Variants in CADM2 observed in about 807,000 individuals in gnomAD.
CADM2 encodes immunoglobulin superfamily member 4D.
A neutral mutation model predicts 49.8 loss-of-function variants in CADM2; 12 were observed. The observed-to-expected ratio is 0.24, with a 90% CI of 0.15 to 0.39. The LOEUF is 0.39. Ranked by LOEUF, CADM2 falls within the 10% of genes least tolerant of loss-of-function variation. The pLI is 1.00. For synonymous variants in CADM2, 214 were observed against 175.4 expected, an observed-to-expected ratio of 1.22 and a Z score of -1.74; for missense variants, 378 against 492.3, an observed-to-expected ratio of 0.77 and a Z score of 2.20.
chr3:85,466,863 A>G (rs1402091403), intron 1 of CADM2, among the ~76,000 whole-genome samples: 2 of 152,118 alleles, frequency 1.3e-5, no homozygotes, highest in Non-Finnish European at 2.9e-5. Flanking sequence ...TTGAGCTAGG[A>G]AGAAAGAGAA....
chr3:85,254,241 A>T lies in CADM2; in HGVS notation c.61+294573A>T, dbSNP rs149181141. ...ATCAGATGGAAGAGATGCATAGTTA[A>T]AGGAATGTGGGAAGGGGTGTGGAGT... On this transcript the variant is annotated intron_variant, in intron 1 of 9. Transcript: ENST00000383699. Among the ~76,000 whole-genome samples, 203 of 152,230 alleles carry T rather than the reference A, an allele frequency of 1.3e-3. 2 individuals carry two copies. The highest frequency in any genetic ancestry group is 4.5e-3 in the African/African-American group (185 of 41,556).
At chr3:85,603,718 A>G (rs2063479384) in intron 1 of CADM2, among the ~76,000 whole-genome samples, 1 of 151,804 alleles carries the variant, frequency 6.6e-6, no homozygotes, top group Non-Finnish European at 1.5e-5. Flanking sequence ...GAGAAGTTGA[A>G]TTTCAAGCCG....
chr3:85,466,189 A>C (rs1052251432), intron 1 of CADM2, among the ~76,000 whole-genome samples: 9 of 152,164 alleles, frequency 5.9e-5, no homozygotes, highest in African/African-American at 2.2e-4. Flanking sequence ...TCTTCTGATT[A>C]TGTTAAAATC....
chr3:85,741,062 G>A (rs1309957145), intron 2 of CADM2, among the ~76,000 whole-genome samples: 1 of 152,100 alleles, frequency 6.6e-6, no homozygotes, highest in Non-Finnish European at 1.5e-5. Context: ...GAGATACATA[G>A]CAGTTAACAT....
intron 1 of CADM2, among the ~76,000 whole-genome samples, chr3:85,111,808 T>G (rs2107571022): frequency 6.6e-6 from 1 of 152,022 alleles, no homozygotes; most frequent in African/African-American, 2.4e-5. Flanking sequence ...TAAATTAATT[T>G]AAGGAAATGC....
At chr3:85,789,407 A>T (rs182638221) in intron 2 of CADM2, among the ~76,000 whole-genome samples, 170 of 152,358 alleles carry the variant, frequency 1.1e-3, no homozygotes, top group African/African-American at 4.1e-3. Context: ...CTTTATGTAT[A>T]CATAATAATT....
In CADM2 at chr3:86,072,256, A is replaced by T. The variant is rs537444152; in HGVS notation, c.*5473A>T. 5 of 151,894 alleles carry T rather than the reference A, an allele frequency of 3.3e-5. No individual in the cohort carries two copies. In the East Asian group the frequency reaches 7.7e-4, roughly 23 times the overall value. The allele number at this position is 151,894 out of a possible 1,614,324, so 9.4% of individuals were successfully genotyped here. A position where few individuals can be genotyped will look rare whatever the true frequency, so the allele number is the denominator to read the frequency against. On this transcript the variant is annotated 3_prime_UTR_variant, in exon 10 of 10. Transcript: ENST00000383699. Reference sequence around the variant, plus strand: ...GTTATGTGGTTATGTTATCAATAATATTTGGTTGATCTTCACATATTTTAT... The same window carrying T: ...GTTATGTGGTTATGTTATCAATAATTTTTGGTTGATCTTCACATATTTTAT...
At chr3:84,982,737 A>G (rs7626127) in intron 1 of CADM2, among the ~76,000 whole-genome samples, 53,168 of 113,258 alleles carry the variant, frequency 0.47, 13,344 homozygotes, top group African/African-American at 0.55. Context: ...ATATATATAC[A>G]TTTTTTGTTT....
intron 1 of CADM2, among the ~76,000 whole-genome samples, chr3:85,123,416 A>G (rs2038929043): frequency 6.6e-6 from 1 of 152,114 alleles, no homozygotes; most frequent in East Asian, 1.9e-4. Flanking sequence ...TTTTTGGTGT[A>G]GGCTGTGTTC....
At chr3:85,635,107 A>G (rs983438776) in intron 1 of CADM2, among the ~76,000 whole-genome samples, 6 of 152,204 alleles carry the variant, frequency 3.9e-5, no homozygotes, top group Middle Eastern at 3.4e-3. Flanking sequence ...GAAAGGGATT[A>G]GTGGATACTT....
intron 1 of CADM2, among the ~76,000 whole-genome samples, chr3:85,196,822 A>AT (rs1414830156): frequency 6.6e-6 from 1 of 152,018 alleles, no homozygotes; most frequent in Non-Finnish European, 1.5e-5. Context: ...GGAGAATCAA[A>AT]TGACTCCATT....
chr3:86,052,061 A>G (rs1455448076), intron 8 of CADM2, among the ~76,000 whole-genome samples: 1 of 152,192 alleles, frequency 6.6e-6, no homozygotes, highest in African/African-American at 2.4e-5. Flanking sequence ...AAAGGAAAAA[A>G]TGGATTTATT....
intron 1 of CADM2, among the ~76,000 whole-genome samples, chr3:85,114,232 G>A (rs2038562268): frequency 6.6e-6 from 1 of 152,042 alleles, no homozygotes; most frequent in South Asian, 2.1e-4. Context: ...GAGGGGAAGT[G>A]AATAATGGAT....
intron 1 of CADM2, among the ~76,000 whole-genome samples, chr3:85,587,066 CT>C (rs1300808847): frequency 4.6e-5 from 7 of 152,058 alleles, no homozygotes; most frequent in Admixed American, 6.6e-5. Flanking sequence ...ATTCTTATTT[CT>C]ACCAGTCTTC....
In CADM2 at chr3:86,035,000, G is replaced by A. The variant is rs1734982765; in HGVS notation, c.971-30605G>A. 2.0e-5 allele frequency among the ~76,000 whole-genome samples: 3 copies of A among 151,950 alleles called. No homozygotes were observed. The South Asian group carries it at 6.2e-4, about 31-fold the overall frequency. ...TCCTGAATGTTCTCCCTGCCTCAAA[G>A]TTTATTTTCCTCTACATGTAGTCTT... On this transcript the variant is annotated intron_variant, in intron 8 of 9. Transcript: ENST00000383699.
In CADM2 at chr3:85,505,123, C is replaced by T. The variant is rs546940934; in HGVS notation, c.62-221399C>T. The stretch of plus-strand genomic sequence containing the variant: ...CTTGGCCAGCCCAGGAGGGGGCTCC[C>T]ACAGTGCAGCGGCGGGCTGAAGGGC... On this transcript the variant is annotated intron_variant, in intron 1 of 9. Transcript: ENST00000383699. Among the ~76,000 whole-genome samples the T allele has an allele frequency of 5.3e-5, 8 of 152,324 alleles. No homozygotes were observed. The East Asian group carries it at 1.2e-3, about 22-fold the overall frequency.
intron 1 of CADM2, among the ~76,000 whole-genome samples, chr3:85,036,772 G>C (rs2035231254): frequency 6.6e-6 from 1 of 151,718 alleles, no homozygotes; most frequent in African/African-American, 2.4e-5. Flanking sequence ...TTAATCTTAG[G>C]GGTAAGTAAT....
chr3:85,641,785 G>A (rs1207841237), intron 1 of CADM2, among the ~76,000 whole-genome samples: 1 of 149,998 alleles, frequency 6.7e-6, no homozygotes, highest in South Asian at 2.1e-4. Context: ...AAAAAAAATA[G>A]CCAGGTGTGG....
chr3:85,251,925 A>C (rs946479960), intron 1 of CADM2, among the ~76,000 whole-genome samples: 1 of 151,974 alleles, frequency 6.6e-6, no homozygotes. Context: ...GTCAACATGA[A>C]TGGCATTTTC....
Sources: allele counts gnomAD v4.1 joint callset (sites outside exome capture counted in the v4.1 genomes callset), GRCh38; gene constraint gnomAD v4.1.1; transcripts MANE v1.5; gene names NCBI Gene and HGNC (gene_info 2026-07-23, HGNC 2026-07-21).